The following EXOC4 variants were observed in gnomAD, a reference collection of about 807,000 sequenced individuals.
EXOC4 encodes the protein exocyst complex component 4, also known as SEC8-like 1.
Under a neutral mutation model 107.2 loss-of-function variants are expected in EXOC4, and 71 were observed. The observed-to-expected ratio is 0.66, with a 90% CI of 0.55 to 0.81. EXOC4 has a LOEUF of 0.81. Among genes scored for constraint, EXOC4 ranks in the 30% least tolerant of loss-of-function variants. EXOC4 has a pLI of 0.00. For missense variants in EXOC4, 1,108 were observed against 1,189.6 expected, an observed-to-expected ratio of 0.93 and a Z score of 1.01; for synonymous variants, 456 against 441.2, an observed-to-expected ratio of 1.03 and a Z score of -0.42.
chr7:133,433,412 C>T (rs1175973212), intron 7 of EXOC4, among the ~76,000 whole-genome samples: 1 of 152,194 alleles, frequency 6.6e-6, no homozygotes, highest in Non-Finnish European at 1.5e-5. Context: ...CTTTGCACTT[C>T]TATTGTTTGC....
chr7:133,395,417 C>A (rs1563049753), intron 7 of EXOC4, among the ~76,000 whole-genome samples: 1 of 151,890 alleles, frequency 6.6e-6, no homozygotes, highest in Non-Finnish European at 1.5e-5. Flanking sequence ...TGGAGGCAGC[C>A]AGAAGAGCTT....
At chr7:133,382,091 G>C (rs971380409) in intron 7 of EXOC4, among the ~76,000 whole-genome samples, 1 of 152,100 alleles carries the variant, frequency 6.6e-6, no homozygotes, top group African/African-American at 2.4e-5. Flanking sequence ...TAATGTGGTA[G>C]CAATGAAAAG....
intron 6 of EXOC4, among the ~76,000 whole-genome samples, chr7:133,363,924 C>T (rs1172849897): frequency 5.3e-5 from 8 of 152,106 alleles, no homozygotes; most frequent in Non-Finnish European, 1.0e-4. Context: ...GAAATTCTTA[C>T]GTTGATGATG....
chr7:133,625,091 T>C (rs139910282), intron 9 of EXOC4, among the ~76,000 whole-genome samples: 2 of 152,334 alleles, frequency 1.3e-5, no homozygotes, highest in East Asian at 1.9e-4. Context: ...TTTTACACAT[T>C]TGTTGTAAAG....
chr7:133,701,231 G>A (rs1562914609), intron 10 of EXOC4, among the ~76,000 whole-genome samples: 1 of 151,868 alleles, frequency 6.6e-6, no homozygotes, highest in Non-Finnish European at 1.5e-5. Flanking sequence ...GCTCTTACAT[G>A]CCCCCAAAAG....
At chr7:133,319,741 A>C (rs1795069468) in intron 5 of EXOC4, among the ~76,000 whole-genome samples, 1 of 151,882 alleles carries the variant, frequency 6.6e-6, no homozygotes, top group South Asian at 2.1e-4. Context: ...TGGCCTCCCA[A>C]AGTGTTTGGA....
chr7:134,011,917 G>A (rs892494408), intron 17 of EXOC4, among the ~76,000 whole-genome samples: 2 of 152,080 alleles, frequency 1.3e-5, no homozygotes, highest in Admixed American at 6.6e-5. Context: ...AAACCTAAAG[G>A]AAGAGTAGGA....
chr7:133,427,251 G>A (rs1229177381), intron 7 of EXOC4, among the ~76,000 whole-genome samples: 4 of 152,044 alleles, frequency 2.6e-5, no homozygotes, highest in Non-Finnish European at 4.4e-5. Flanking sequence ...TTTATAGGCT[G>A]TGCTGCTCGA....
intron 11 of EXOC4, among the ~76,000 whole-genome samples, chr7:133,866,858 C>T (rs1257429079): frequency 6.6e-6 from 1 of 152,190 alleles, no homozygotes; most frequent in Non-Finnish European, 1.5e-5. Context: ...CCATTTAAAA[C>T]CTTATTTGGA....
At chr7:134,085,249 AG>A in the EXOC4 span, among the ~76,000 whole-genome samples, 1 of 151,994 alleles carries the variant, frequency 6.6e-6, no homozygotes, top group African/African-American at 2.4e-5. Flanking sequence ...TCAGGTTGAG[AG>A]GTTGGAGACT....
chr7:133,441,491 A>G (rs1236106001), intron 7 of EXOC4, among the ~76,000 whole-genome samples: 2 of 152,260 alleles, frequency 1.3e-5, no homozygotes, highest in East Asian at 1.9e-4. Context: ...CCCAGGTTCA[A>G]GTGATTCTCA....
chr7:133,435,581 T>C (rs866033792), intron 7 of EXOC4, among the ~76,000 whole-genome samples: 1 of 152,224 alleles, frequency 6.6e-6, no homozygotes, highest in South Asian at 2.1e-4. Context: ...CCCTTTTTTC[T>C]TAATTCTCTC....
intron 13 of EXOC4, 63 bp downstream of exon 13, chr7:133,917,801 A>AT (rs1229534659): frequency 1.1e-5 from 16 of 1,459,800 alleles, no homozygotes; most frequent in African/African-American, 1.4e-5. Flanking sequence ...TTTAGCTAAT[A>AT]TTTTTTTACA....
intron 10 of EXOC4, among the ~76,000 whole-genome samples, chr7:133,719,885 G>A (rs989531465): frequency 3.9e-5 from 6 of 152,168 alleles, no homozygotes; most frequent in African/African-American, 1.4e-4. Context: ...ATGCTTGTAA[G>A]AAACTAACTT....
At position 133,865,132 on chromosome 7, in the gene EXOC4, A is replaced by T. The variant is rs186884533; in HGVS notation, c.1735-30467A>T. On this transcript the variant is annotated intron_variant, in intron 11 of 17. Transcript: ENST00000253861. ...TTTTTCTTTTTCTTATATAAATTTC[A>T]TGGGACAGGGATGTTATCTTTCTCT... Among the ~76,000 whole-genome samples, 11 of 152,208 alleles carry T rather than the reference A, an allele frequency of 7.2e-5. No individual in the cohort carries two copies. In the East Asian group the frequency reaches 2.1e-3, roughly 29 times the overall value.
chr7:133,350,285 C>G (rs1795878983), intron 5 of EXOC4, among the ~76,000 whole-genome samples: 1 of 151,946 alleles, frequency 6.6e-6, no homozygotes, highest in Admixed American at 6.6e-5. Flanking sequence ...GTGTTTTCTT[C>G]TGAGAGTTTT....
intron 10 of EXOC4, among the ~76,000 whole-genome samples, chr7:133,734,196 G>T (rs568182603): frequency 6.6e-6 from 1 of 152,336 alleles, no homozygotes; most frequent in South Asian, 2.1e-4. Context: ...CCTTGGGACA[G>T]CTTCCGTTAG....
intron 11 of EXOC4, 21 bp from the exon 12 acceptor site, chr7:133,895,578 C>G (rs776631545): frequency 1.9e-6 from 3 of 1,612,298 alleles, no homozygotes; most frequent in East Asian, 4.5e-5. Flanking sequence ...CTCATATCCT[C>G]TCTTTGTTGT....
At chr7:133,277,933 A>G (rs1355369411) in intron 2 of EXOC4, among the ~76,000 whole-genome samples, 1 of 152,208 alleles carries the variant, frequency 6.6e-6, no homozygotes. Context: ...TATTTTTTTT[A>G]AAGTGAAAAC....
Sources: gnomAD v4.1 joint callset for allele counts (sites outside exome capture counted in the v4.1 genomes callset) on GRCh38, gnomAD v4.1.1 for gene constraint, MANE v1.5 for transcripts, NCBI Gene and HGNC (gene_info 2026-07-23, HGNC 2026-07-21) for gene names.